The following GCLC variants were observed in gnomAD, a reference collection of about 807,000 sequenced individuals.
GCLC encodes glutamate-cysteine ligase catalytic subunit, also known as glutamate--cysteine ligase catalytic subunit.
GCLC carries 30 observed loss-of-function variants against 81.5 expected under a neutral mutation model. The ratio of observed to expected loss-of-function variants is 0.37; its 90% CI spans 0.28 to 0.50. GCLC has a LOEUF of 0.50. Ranked by LOEUF, GCLC falls within the 20% of genes least tolerant of loss-of-function variation. GCLC has a pLI of 0.96. For missense variants in GCLC, 556 were observed against 777.4 expected, an observed-to-expected ratio of 0.72 and a Z score of 3.39; for synonymous variants, 262 against 273.3, an observed-to-expected ratio of 0.96 and a Z score of 0.41.
Position 53,520,761 on chromosome 6 carries a change from T to C in GCLC, c.446+17A>G. On this transcript the variant is annotated intron_variant, in intron 3 of 15. Coordinates refer to ENST00000650454, the MANE Select transcript of GCLC (RefSeq NM_001498.4). Reference sequence around the variant, plus strand: ...TCTCTGAGAGATCTGCTGGGGCATGTTAATATAGGAACTAACCTGGGAAAT... The same window carrying C: ...TCTCTGAGAGATCTGCTGGGGCATGCTAATATAGGAACTAACCTGGGAAAT... 1 of 1,606,898 alleles carries C rather than the reference T, an allele frequency of 6.2e-7. No individual in the cohort carries two copies. Among genetic ancestry groups the C allele is most frequent in the South Asian group, 1.1e-5 (1 of 90,936 alleles).
chr6:53,501,862 T>C (rs1341905434), intron 12 of GCLC, among the ~76,000 whole-genome samples: 1 of 152,228 alleles, frequency 6.6e-6, no homozygotes, highest in African/African-American at 2.4e-5. Context: ...CCTTTCAAAG[T>C]ATATTTTACT....
At chr6:53,533,462 A>C (rs1316859185) in intron 1 of GCLC, among the ~76,000 whole-genome samples, 2 of 152,160 alleles carry the variant, frequency 1.3e-5, no homozygotes, top group Non-Finnish European at 2.9e-5. Flanking sequence ...ACACACAGCA[A>C]TACTACTAAC....
At chr6:53,543,688 G>A (rs980610397) in intron 1 of GCLC, among the ~76,000 whole-genome samples, 2 of 152,178 alleles carry the variant, frequency 1.3e-5, no homozygotes, top group Admixed American at 6.5e-5. Flanking sequence ...AAAAGTTTTG[G>A]CAGATGACAC....
intron 11 of GCLC, 133 bp from the exon 12 acceptor site, chr6:53,505,629 GC>G (rs1415115209): frequency 1.6e-5 from 12 of 744,966 alleles, no homozygotes; most frequent in Non-Finnish European, 7.3e-6. Flanking sequence ...GAAGCCCTTT[GC>G]CCACATCTAT....
chr6:53,528,710 C>T (rs1581744757), intron 1 of GCLC, among the ~76,000 whole-genome samples: 1 of 152,052 alleles, frequency 6.6e-6, no homozygotes, highest in African/African-American at 2.4e-5. Flanking sequence ...GTGGCCTCTC[C>T]CTGATCTAGT....
In GCLC at chr6:53,514,111, G is replaced by T. The variant is rs569232345; in HGVS notation, c.753+93C>A. On this transcript the variant is annotated intron_variant, in intron 6 of 15. Transcript: ENST00000650454. ...GCTACCATTTCAACCTCATTAAAAT[G>T]TGATTTTTGGAACAGGAAACATGCA... 5.8e-5 allele frequency: 70 copies of T among 1,209,682 alleles called. No individual in the cohort carries two copies. In the African/African-American group the frequency reaches 9.2e-4, roughly 16 times the overall value. 74.9% of individuals were successfully genotyped at this position (1,209,682 alleles called of 1,614,324 possible). A position where few individuals can be genotyped will look rare whatever the true frequency, so the allele number is the denominator to read the frequency against.
intron 12 of GCLC, among the ~76,000 whole-genome samples, chr6:53,502,695 TTATGC>T (rs1764535915): frequency 6.6e-6 from 1 of 152,236 alleles, no homozygotes; most frequent in African/African-American, 2.4e-5. Context: ...TACGTACATC[TTATGC>T]AAACTGTGTT....
chr6:53,523,165 A>G (rs1763027139), intron 1 of GCLC: 1 of 152,450 alleles, frequency 6.6e-6, no homozygotes, highest in Non-Finnish European at 1.5e-5. Context: ...GCACTAGTAC[A>G]TTTATTAACA....
intron 3 of GCLC, 26 bp from the exon 4 acceptor site, chr6:53,516,248 G>C (rs183710003): frequency 1.2e-5 from 16 of 1,375,936 alleles, no homozygotes; most frequent in Non-Finnish European, 8.3e-6. Flanking sequence ...GAACTAAATA[G>C]ATGGGATTTG....
At chr6:53,542,056 TA>T (rs537246961) in intron 1 of GCLC, among the ~76,000 whole-genome samples, 211 of 152,262 alleles carry the variant, frequency 1.4e-3, no homozygotes, top group African/African-American at 4.8e-3. Context: ...GGGGTCTCGC[TA>T]TATTGCCCAG....
At chr6:53,541,993 G>A (rs143211682) in intron 1 of GCLC, among the ~76,000 whole-genome samples, 19 of 152,188 alleles carry the variant, frequency 1.2e-4, no homozygotes, top group South Asian at 4.2e-4. Flanking sequence ...TCAGCCTCCC[G>A]AGTAGTTGGG....
intron 6 of GCLC, among the ~76,000 whole-genome samples, chr6:53,512,134 G>A (rs1005026860): frequency 6.6e-5 from 10 of 151,760 alleles, no homozygotes; most frequent in African/African-American, 2.4e-4. Context: ...TAGTAGAGAT[G>A]AGATTTTGCC....
chr6:53,504,519 T>C lies in GCLC; in HGVS notation c.1395+873A>G, dbSNP rs575292603. Among the ~76,000 whole-genome samples, 91 of 152,308 alleles carry C rather than the reference T, an allele frequency of 6.0e-4. 3 individuals carry two copies. In the South Asian group the frequency reaches 0.018, roughly 30 times the overall value. On this transcript the variant is annotated intron_variant, in intron 12 of 15. Transcript: ENST00000650454. ...TAGCTTACATGGAATCTCTCTTAGATGGATTTGGTCTCCCCAGTAGGTAGG... is the reference window on the plus strand; with the variant it reads ...TAGCTTACATGGAATCTCTCTTAGACGGATTTGGTCTCCCCAGTAGGTAGG...
rs1457295141 is a variant in GCLC, at chr6:53,506,878, T to C, written c.1197+35A>G. 3.7e-6 allele frequency: 4 copies of C among 1,086,976 alleles called. No individual in the cohort carries two copies. The highest frequency in any genetic ancestry group is 1.6e-5 in the African/African-American group (1 of 63,746). 67.3% of individuals were successfully genotyped at this position (1,086,976 alleles called of 1,614,324 possible). A position where few individuals can be genotyped will look rare whatever the true frequency, so the allele number is the denominator to read the frequency against. ...AGGATTCCAGACTCTCAGAAGTCAA[T>C]ACATAAATAAATAAAAATAAAACTG... is the stretch of plus-strand genomic sequence containing the variant. On this transcript the variant is annotated intron_variant, in intron 10 of 15. Coordinates refer to ENST00000650454, the MANE Select transcript of GCLC (RefSeq NM_001498.4). This position sits in a 1 kb window ranked among gnomAD's most constrained non-coding sequence, Gnocchi z 4.0.
At chr6:53,512,000 A>G (rs1764761568) in intron 6 of GCLC, among the ~76,000 whole-genome samples, 1 of 148,936 alleles carries the variant, frequency 6.7e-6, no homozygotes. Context: ...CCAGGCTGGA[A>G]TGCAGTGGCA....
At chr6:53,501,983 C>T (rs565231198) in intron 12 of GCLC, among the ~76,000 whole-genome samples, 1 of 152,204 alleles carries the variant, frequency 6.6e-6, no homozygotes, top group Non-Finnish European at 1.5e-5. Context: ...CACTTTCCTA[C>T]ACAATCTGTA....
At chr6:53,502,249 T>C (rs1276973755) in intron 12 of GCLC, among the ~76,000 whole-genome samples, 1 of 152,234 alleles carries the variant, frequency 6.6e-6, no homozygotes, top group Non-Finnish European at 1.5e-5. Context: ...CCATGGCCTT[T>C]CCCATCCTTT....
At position 53,509,165 on chromosome 6, in the gene GCLC, T is replaced by C; in HGVS notation, c.828+11A>G. On this transcript the variant is annotated intron_variant, in intron 7 of 15. Transcript: ENST00000650454. ...AAGTAGTATTTAAAATAAGAGGTAA[T>C]TTCTACTTACAACAATTGGACAGAT... The C allele has an allele frequency of 6.8e-7, 1 of 1,471,578 alleles. No homozygotes were observed. The highest frequency in any genetic ancestry group is 9.5e-7 in the Non-Finnish European group (1 of 1,049,804). 91.2% of individuals were successfully genotyped at this position (1,471,578 alleles called of 1,614,324 possible). A position where few individuals can be genotyped will look rare whatever the true frequency, so the allele number is the denominator to read the frequency against.
intron 1 of GCLC, among the ~76,000 whole-genome samples, chr6:53,527,497 C>G (rs1456577560): frequency 6.6e-6 from 1 of 152,148 alleles, no homozygotes; most frequent in Non-Finnish European, 1.5e-5. Flanking sequence ...TGCCCCCCAC[C>G]CCCAGCACTA....
Sources: gnomAD v4.1 joint callset for allele counts (sites outside exome capture counted in the v4.1 genomes callset) on GRCh38, gnomAD v4.1.1 for gene constraint, Gnocchi (gnomAD v3.1) non-coding constraint, MANE v1.5 for transcripts, NCBI Gene and HGNC (gene_info 2026-07-23, HGNC 2026-07-21) for gene names.